The following POU6F2 variants were observed in gnomAD, a reference collection of about 807,000 sequenced individuals.
POU6F2 encodes POU class 6 homeobox 2, also known as POU domain, class 6, transcription factor 2.
POU6F2 carries 31 observed loss-of-function variants against 71.3 expected under a neutral mutation model. That is an observed-to-expected ratio of 0.43 (90% CI 0.33 to 0.59). POU6F2 has a LOEUF of 0.59. Ranked by LOEUF, POU6F2 falls within the 20% of genes least tolerant of loss-of-function variation. POU6F2 has a pLI of 0.04. For synonymous variants in POU6F2, 347 were observed against 355.7 expected (o/e 0.98, Z 0.27); for missense variants, 783 against 856.8 (o/e 0.91, Z 1.07).
chr7:39,424,682 T>G (rs1787928035), intron 6 of POU6F2, among the ~76,000 whole-genome samples: 1 of 152,194 alleles, frequency 6.6e-6, no homozygotes, highest in South Asian at 2.1e-4. Flanking sequence ...TCAAATCCTT[T>G]TTCTATCAAT....
At chr7:39,133,985 C>A (rs1792341241) in intron 2 of POU6F2, among the ~76,000 whole-genome samples, 1 of 152,120 alleles carries the variant, frequency 6.6e-6, no homozygotes. Context: ...AGGGATCCTC[C>A]CACCTCAGCC....
At chr7:39,374,684 G>GA (rs1305396500) in intron 5 of POU6F2, among the ~76,000 whole-genome samples, 1 of 152,188 alleles carries the variant, frequency 6.6e-6, no homozygotes, top group Admixed American at 6.5e-5. Context: ...AACCACGGGG[G>GA]AGTCTTCACC....
At chr7:39,437,282 A>T (rs1788270038) in intron 7 of POU6F2, among the ~76,000 whole-genome samples, 1 of 152,218 alleles carries the variant, frequency 6.6e-6, no homozygotes, top group Non-Finnish European at 1.5e-5. Flanking sequence ...GCTATTAATT[A>T]CTGCCTCAAT....
At chr7:39,451,147 T>A (rs1049397944) in intron 7 of POU6F2, among the ~76,000 whole-genome samples, 3 of 152,184 alleles carry the variant, frequency 2.0e-5, no homozygotes, top group Non-Finnish European at 4.4e-5. Context: ...AAGTTTTAGT[T>A]TCCCAATCTG....
chr7:39,026,061 T>C (rs571329320), intron 1 of POU6F2, among the ~76,000 whole-genome samples: 242 of 152,288 alleles, frequency 1.6e-3, no homozygotes, highest in African/African-American at 4.7e-3. Flanking sequence ...TACCATCTCA[T>C]GCCAGTTAGA....
intron 4 of POU6F2, among the ~76,000 whole-genome samples, chr7:39,241,951 G>A (rs1394592954): frequency 6.6e-6 from 1 of 152,022 alleles, no homozygotes; most frequent in Admixed American, 6.6e-5. Context: ...CTATAGTTTT[G>A]CCTTTTTCTG....
chr7:39,297,707 A>G (rs1042637821), intron 4 of POU6F2, among the ~76,000 whole-genome samples: 3 of 150,260 alleles, frequency 2.0e-5, no homozygotes, highest in Admixed American at 2.0e-4. Flanking sequence ...GTCAAATTAA[A>G]CTATCCTCAA....
chr7:39,051,218 C>G (rs1410976553), intron 1 of POU6F2, among the ~76,000 whole-genome samples: 2 of 152,042 alleles, frequency 1.3e-5, no homozygotes. Context: ...GAGTGAGTCT[C>G]TGATAGGCAG....
At chr7:39,202,882 AT>A (rs1288708205) in intron 2 of POU6F2, among the ~76,000 whole-genome samples, 2 of 152,250 alleles carry the variant, frequency 1.3e-5, no homozygotes, top group Non-Finnish European at 2.9e-5. Flanking sequence ...CAATTTAGAA[AT>A]TTCAATAGAA....
At chr7:39,200,917 C>G (rs1473010281) in intron 2 of POU6F2, among the ~76,000 whole-genome samples, 1 of 151,448 alleles carries the variant, frequency 6.6e-6, no homozygotes, top group Non-Finnish European at 1.5e-5. Context: ...GTCTCAGCTA[C>G]TCAGAAGGCT....
chr7:39,398,164 G>A (rs930963628), intron 5 of POU6F2, among the ~76,000 whole-genome samples: 22 of 152,072 alleles, frequency 1.4e-4, no homozygotes, highest in African/African-American at 4.6e-4. Flanking sequence ...TCCTTCACTC[G>A]ATAAACATTT....
chr7:39,301,720 C>A (rs950226331), intron 4 of POU6F2, among the ~76,000 whole-genome samples: 2 of 152,178 alleles, frequency 1.3e-5, no homozygotes, highest in African/African-American at 4.8e-5. Context: ...GAGGACAGAT[C>A]TTTGAGGCAG....
chr7:39,361,746 A>G (rs187527481), intron 5 of POU6F2, among the ~76,000 whole-genome samples: 1 of 152,210 alleles, frequency 6.6e-6, no homozygotes, highest in Non-Finnish European at 1.5e-5. Flanking sequence ...ACATTAAAAG[A>G]TGTGTTTCTC....
intron 1 of POU6F2, among the ~76,000 whole-genome samples, chr7:38,987,714 T>A (rs1484958231): frequency 1.3e-5 from 2 of 152,098 alleles, no homozygotes; most frequent in African/African-American, 4.8e-5. Flanking sequence ...ATGTAAAAAG[T>A]TATGTTTTAC....
At chr7:39,125,164 C>T (rs1048077922) in intron 2 of POU6F2, among the ~76,000 whole-genome samples, 5 of 152,098 alleles carry the variant, frequency 3.3e-5, no homozygotes, top group South Asian at 4.2e-4. Flanking sequence ...TGAAACAATA[C>T]GACACTGTTT....
At chr7:39,185,717 G>A (rs1282284825) in intron 2 of POU6F2, among the ~76,000 whole-genome samples, 3 of 151,910 alleles carry the variant, frequency 2.0e-5, no homozygotes, top group Non-Finnish European at 2.9e-5. Context: ...GGCTCAGGGA[G>A]CATATCTGGC....
chr7:39,298,451 C>T (rs1168173712), intron 4 of POU6F2, among the ~76,000 whole-genome samples: 1 of 151,942 alleles, frequency 6.6e-6, no homozygotes. Context: ...AAATCAAAAC[C>T]ACAAGATACC....
chr7:39,001,966 T>C (rs974592820), intron 1 of POU6F2: 1 of 152,218 alleles, frequency 6.6e-6, no homozygotes, highest in Non-Finnish European at 1.5e-5. Flanking sequence ...GTTGGTGATG[T>C]TGATGGTAAT....
At chr7:39,157,776 AC>A (rs1792902425) in intron 2 of POU6F2, among the ~76,000 whole-genome samples, 1 of 152,246 alleles carries the variant, frequency 6.6e-6, no homozygotes, top group Non-Finnish European at 1.5e-5. Flanking sequence ...GGTTAAACAT[AC>A]ATTCTTTCAA....
Sources: gnomAD v4.1 joint callset for allele counts (sites outside exome capture counted in the v4.1 genomes callset) on GRCh38, gnomAD v4.1.1 for gene constraint, MANE v1.5 for transcripts, NCBI Gene and HGNC (gene_info 2026-07-23, HGNC 2026-07-21) for gene names.